The following RFX4 variants were observed in gnomAD, a reference collection of about 807,000 sequenced individuals.
The protein encoded by RFX4 is transcription factor RFX4.
A neutral mutation model predicts 95.0 loss-of-function variants in RFX4; 10 were observed. That is an observed-to-expected ratio of 0.11 (90% CI 0.06 to 0.18). RFX4 has a LOEUF of 0.18. Ranked by LOEUF, RFX4 falls within the 10% of genes least tolerant of loss-of-function variation. The pLI is 1.00. For missense variants in RFX4, 640 were observed against 922.0 expected (o/e 0.69, Z 3.96); for synonymous variants, 321 against 340.7 (o/e 0.94, Z 0.64).
At chr12:106,696,251 C>T (rs1199078821) in intron 7 of RFX4, 32 bp from the exon 8 acceptor site, 2 of 1,612,764 alleles carry the variant, frequency 1.2e-6, no homozygotes, top group Non-Finnish European at 8.5e-7. Flanking sequence ...CCTGGGTAAC[C>T]TCATGATTCT....
At chr12:106,683,692 T>G (rs900879409) in intron 5 of RFX4, 2 of 152,116 alleles carry the variant, frequency 1.3e-5, no homozygotes, top group African/African-American at 4.8e-5. Context: ...ATTATTTTTC[T>G]CCAGCTCTTG....
intron 2 of RFX4, among the ~76,000 whole-genome samples, chr12:106,611,562 G>C (rs1382480968): frequency 1.3e-5 from 2 of 151,408 alleles, no homozygotes; most frequent in Non-Finnish European, 2.9e-5. Flanking sequence ...CCAGGCTGGA[G>C]TACAGTGGCG....
chr12:106,739,701 G>A (rs1016366463), intron 15 of RFX4, among the ~76,000 whole-genome samples: 2 of 152,016 alleles, frequency 1.3e-5, no homozygotes, highest in African/African-American at 4.8e-5. Context: ...TTGGGTTTAC[G>A]GCAATGTCAT....
At chr12:106,658,569 C>A (rs1264237084) in intron 4 of RFX4, among the ~76,000 whole-genome samples, 2 of 152,176 alleles carry the variant, frequency 1.3e-5, no homozygotes, top group African/African-American at 4.8e-5. Flanking sequence ...GTAGGATCAG[C>A]TTTTTCTCCT....
chr12:106,686,812 T>C, intron 5 of RFX4, 72 bp from the exon 6 acceptor site: 2 of 1,445,312 alleles, frequency 1.4e-6, no homozygotes, highest in Non-Finnish European at 1.9e-6. Context: ...GAAACCTCAC[T>C]TAATAACAGT....
intron 11 of RFX4, among the ~76,000 whole-genome samples, chr12:106,719,170 C>A (rs1440348044): frequency 2.0e-5 from 3 of 152,178 alleles, no homozygotes; most frequent in East Asian, 3.9e-4. Flanking sequence ...ATTCAGTTAT[C>A]TGACTTAAAG....
At chr12:106,611,640 A>ACT (rs1380070477) in intron 2 of RFX4, among the ~76,000 whole-genome samples, 13 of 151,946 alleles carry the variant, frequency 8.6e-5, no homozygotes, top group African/African-American at 2.9e-4. Context: ...CCTCCTGAGT[A>ACT]GCTGGGATTA....
intron 5 of RFX4, chr12:106,683,209 C>T (rs890317789): frequency 3.3e-5 from 5 of 152,184 alleles, no homozygotes; most frequent in African/African-American, 9.7e-5. Context: ...ACCCCTGTCC[C>T]TCACCAGCTC....
intron 7 of RFX4, among the ~76,000 whole-genome samples, chr12:106,692,610 GAGCT>G (rs889284489): frequency 9.2e-5 from 14 of 152,156 alleles, no homozygotes; most frequent in Non-Finnish European, 2.1e-4. Flanking sequence ...GTACTTCACT[GAGCT>G]GAGAGACAAA....
chr12:106,668,301 AG>A lies in RFX4; in HGVS notation c.316-13691del, dbSNP rs141372006. On this transcript the variant is annotated intron_variant, in intron 4 of 17. Coordinates refer to ENST00000392842, the MANE Select transcript of RFX4 (RefSeq NM_213594.3). ...AATGGGGTAAGGGAAGAAAGGTCAA[AG>A]CTCCCAGTTCAGTCAGCCCTCTTTA... is the stretch of plus-strand genomic sequence containing the variant. Among the ~76,000 whole-genome samples, 542 of 152,328 alleles carry A rather than the reference AG, an allele frequency of 3.6e-3. 4 individuals carry two copies. The highest frequency in any genetic ancestry group is 0.013 in the African/African-American group (522 of 41,560).
chr12:106,717,477 C>G (rs975880916), intron 11 of RFX4, among the ~76,000 whole-genome samples: 1 of 152,236 alleles, frequency 6.6e-6, no homozygotes, highest in Non-Finnish European at 1.5e-5. Context: ...CTGTGGCTTT[C>G]TCTTCAAGTT....
intron 14 of RFX4, 139 bp from the exon 15 acceptor site, chr12:106,732,785 A>T: frequency 2.8e-6 from 2 of 701,920 alleles, no homozygotes; most frequent in Non-Finnish European, 4.6e-6. Context: ...GAGTGTCATG[A>T]TGGTGATGGG....
At chr12:106,745,311 C>T (rs1000896532) in intron 15 of RFX4, among the ~76,000 whole-genome samples, 1 of 152,168 alleles carries the variant, frequency 6.6e-6, no homozygotes, top group Non-Finnish European at 1.5e-5. Flanking sequence ...AGTGCATGGT[C>T]TGTAAGAGAT....
intron 3 of RFX4, among the ~76,000 whole-genome samples, chr12:106,646,494 G>C (rs1446208985): frequency 7.0e-6 from 1 of 142,710 alleles, no homozygotes; most frequent in Non-Finnish European, 1.5e-5. Context: ...TGAGCTGAGA[G>C]ATTCCAGAAG....
At chr12:106,692,874 G>T (rs1038317307) in intron 7 of RFX4, among the ~76,000 whole-genome samples, 18 of 152,092 alleles carry the variant, frequency 1.2e-4, no homozygotes, top group African/African-American at 4.3e-4. Context: ...ACAAATGCTG[G>T]TAACTCTGAG....
intron 10 of RFX4, among the ~76,000 whole-genome samples, chr12:106,711,717 C>T (rs1432849197): frequency 1.3e-5 from 2 of 152,142 alleles, no homozygotes; most frequent in African/African-American, 4.8e-5. Context: ...ATCAGTTGCC[C>T]CTTAACCTTT....
At chr12:106,751,787 CGTTT>C (rs1280242743) in intron 17 of RFX4, among the ~76,000 whole-genome samples, 1 of 151,764 alleles carries the variant, frequency 6.6e-6, no homozygotes, top group Non-Finnish European at 1.5e-5. Context: ...TGGGGTTGTT[CGTTT>C]TTTTCTTGTA....
intron 17 of RFX4, among the ~76,000 whole-genome samples, chr12:106,756,781 T>C (rs1189009300): frequency 6.6e-6 from 1 of 152,210 alleles, no homozygotes; most frequent in Non-Finnish European, 1.5e-5. Flanking sequence ...AGTTAACACA[T>C]TTTATTATTA....
intron 4 of RFX4, among the ~76,000 whole-genome samples, chr12:106,673,522 A>G (rs1021056255): frequency 6.6e-6 from 1 of 152,248 alleles, no homozygotes; most frequent in Non-Finnish European, 1.5e-5. Flanking sequence ...AATGGAAGAA[A>G]GAGCAAAAGG....
Sources: allele counts gnomAD v4.1 joint callset (sites outside exome capture counted in the v4.1 genomes callset), GRCh38; gene constraint gnomAD v4.1.1; transcripts MANE v1.5; gene names NCBI Gene and HGNC (gene_info 2026-07-23, HGNC 2026-07-21).